The following THAP8 variants were observed in gnomAD, a reference collection of about 807,000 sequenced individuals.
THAP8 encodes THAP domain containing 8.
Under a neutral mutation model 25.0 loss-of-function variants are expected in THAP8, and 24 were observed. That is an observed-to-expected ratio of 0.96 (90% CI 0.69 to 1.35). THAP8 has a LOEUF of 1.35. Among genes scored for constraint, THAP8 ranks in the 40% most tolerant of loss-of-function variants. THAP8 has a pLI of 0.00. For synonymous variants in THAP8, 169 were observed against 157.6 expected (o/e 1.07, Z -0.54); for missense variants, 399 against 368.8 (o/e 1.08, Z -0.67).
chr19:36,044,787 C>A (rs749964578), intron 1 of THAP8, among the ~76,000 whole-genome samples: 15 of 152,144 alleles, frequency 9.9e-5, no homozygotes, highest in Non-Finnish European at 1.8e-4. Flanking sequence ...GCACCACACC[C>A]CACCCCTGCT....
At position 36,035,570 on chromosome 19, in the gene THAP8, G is replaced by T; in HGVS notation, c.695C>A (p.Pro232His). Residue 232 changes from proline to histidine, a missense_variant, in exon 4 of 4, where the codon CCT becomes CAT. Transcript: ENST00000292894. ...GATGGTGAAGGTTTGGGATTCCTCA[G>T]GTCCAAGGGTCTGGGCTGTTGTCTA... ...QRLTTAQTLG[P>H]EESQTFTIIC... 1 of 1,614,104 alleles carries T rather than the reference G, an allele frequency of 6.2e-7. No individual in the cohort carries two copies. The highest frequency in any genetic ancestry group is 8.5e-7 in the Non-Finnish European group (1 of 1,180,002).
rs754112289 is a variant in THAP8 at position 36,040,043 on chromosome 19, G to A, written c.177C>T (p.Ser59=). ...WVPSCHQHLC[S]EHFTPSCFQW... Reference sequence around the variant, plus strand: ...GGAAGCAGGAGGGTGTGAAGTGCTCGCTGCACAAGTGCTGGTGGCAGCTGG... The same window carrying A: ...GGAAGCAGGAGGGTGTGAAGTGCTCACTGCACAAGTGCTGGTGGCAGCTGG... Residue 59 remains serine (S), a synonymous_variant, in exon 2 of 4, where the codon AGC becomes AGT. Coordinates refer to ENST00000292894, the MANE Select transcript of THAP8 (RefSeq NM_152658.3). The A allele has an allele frequency of 9.3e-6, 15 of 1,613,624 alleles. No individual in the cohort carries two copies. Among genetic ancestry groups the A allele is most frequent in the Admixed American group, 1.7e-5 (1 of 59,994 alleles).
intron 3 of THAP8, among the ~76,000 whole-genome samples, chr19:36,037,343 T>TACACACACACACACACACACACAC (rs58349186): frequency 1.7e-5 from 2 of 114,760 alleles, no homozygotes; most frequent in African/African-American, 6.6e-5. Flanking sequence ...ATTCCTCCCC[T>TACACACACACACACACACACACAC]ACACACACAC....
At chr19:36,038,634 G>A (rs909944823) in intron 3 of THAP8, among the ~76,000 whole-genome samples, 3 of 152,164 alleles carry the variant, frequency 2.0e-5, no homozygotes, top group African/African-American at 4.8e-5. Flanking sequence ...GGTGGATCAC[G>A]AGGTGAGGAG....
At chr19:36,037,299 T>TACACAC (rs376932776) in intron 3 of THAP8, among the ~76,000 whole-genome samples, 8 of 67,766 alleles carry the variant, frequency 1.2e-4, no homozygotes, top group East Asian at 5.6e-4. Context: ...CTTCCTCCCC[T>TACACAC]ACACACACAC....
chr19:36,035,720 G>T, intron 3 of THAP8, 128 bp from the exon 4 acceptor site: 1 of 1,072,740 alleles, frequency 9.3e-7, no homozygotes, highest in African/African-American at 1.6e-5. Context: ...AGAGAGATGT[G>T]GGGAGAGATA....
intron 3 of THAP8, among the ~76,000 whole-genome samples, chr19:36,036,243 G>GATAT (rs1339870996): frequency 6.8e-6 from 1 of 147,362 alleles, no homozygotes; most frequent in Non-Finnish European, 1.5e-5. Context: ...AGTGCTGCTA[G>GATAT]ATATGCAGAG....
At chr19:36,039,754 G>A in intron 2 of THAP8, 36 bp from the exon 3 acceptor site, 1 of 1,487,392 alleles carries the variant, frequency 6.7e-7, no homozygotes, top group Non-Finnish European at 8.9e-7. Context: ...GGGTGCCGTG[G>A]TCAGACTTCG....
At chr19:36,051,789 A>C (rs1970061729) in intron 1 of THAP8, among the ~76,000 whole-genome samples, 1 of 152,168 alleles carries the variant, frequency 6.6e-6, no homozygotes. Context: ...CTCCCAGGCT[A>C]CAGACGGGTA....
At chr19:36,040,357 G>A (rs905915505) in intron 1 of THAP8, among the ~76,000 whole-genome samples, 9 of 152,068 alleles carry the variant, frequency 5.9e-5, no homozygotes, top group East Asian at 3.9e-4. Context: ...ACGGGGTTTC[G>A]CACTTGTCAC....
In THAP8 at chr19:36,040,152, G is replaced by A. The variant is rs541727777; in HGVS notation, c.84-16C>T. The A allele has an allele frequency of 1.4e-5, 22 of 1,594,420 alleles. No homozygotes were observed. In the East Asian group the frequency reaches 2.9e-4, roughly 21 times the overall value. On this transcript the variant is annotated splice_polypyrimidine_tract_variant and intron_variant, in intron 1 of 3. Coordinates refer to ENST00000292894, the MANE Select transcript of THAP8 (RefSeq NM_152658.3). ...CAGTGGGAACCTGCATGGGTGGTTG[G>A]GGGGCTGGGTCAGTGCTACGAGGTT...
chr19:36,046,598 G>C (rs886389754), intron 1 of THAP8, among the ~76,000 whole-genome samples: 1 of 152,142 alleles, frequency 6.6e-6, no homozygotes, highest in South Asian at 2.1e-4. Context: ...CACACAGCCA[G>C]GGAGTCTGGC....
chr19:36,035,996 T>G (rs1969427616), intron 3 of THAP8, among the ~76,000 whole-genome samples: 2 of 149,308 alleles, frequency 1.3e-5, no homozygotes, highest in African/African-American at 2.5e-5. Flanking sequence ...AGGGAGGAGA[T>G]TGGGAGGTAG....
At chr19:36,037,380 A>ACACACACACC (rs1024146227) in intron 3 of THAP8, among the ~76,000 whole-genome samples, 19 of 145,560 alleles carry the variant, frequency 1.3e-4, no homozygotes, top group African/African-American at 2.3e-4. Flanking sequence ...ACACACACAC[A>ACACACACACC]CCCAGCAGTA....
In THAP8 at chr19:36,045,632, C is replaced by T. The variant is rs1233882573; in HGVS notation, c.84-5496G>A. ...AAGGATCTTGAGATGGGGAGATTAT[C>T]CTGGGTCATCCGGGTTGGCCCTAAA... On this transcript the variant is annotated intron_variant, in intron 1 of 3. Coordinates refer to ENST00000292894, the MANE Select transcript of THAP8 (RefSeq NM_152658.3). 1.6e-5 allele frequency: 7 copies of T among 430,006 alleles called. No homozygotes were observed. In the East Asian group the frequency reaches 4.9e-4, roughly 30 times the overall value. 26.6% of individuals were successfully genotyped at this position (430,006 alleles called of 1,614,324 possible).
chr19:36,052,885 G>A (rs2145464216), intron 1 of THAP8, among the ~76,000 whole-genome samples: 1 of 152,246 alleles, frequency 6.6e-6, no homozygotes, highest in South Asian at 2.1e-4. Context: ...ACACTCAAAG[G>A]ATGGGAATTC....
intron 1 of THAP8, among the ~76,000 whole-genome samples, chr19:36,043,105 TTTAG>T (rs1969756226): frequency 1.3e-5 from 2 of 152,150 alleles, no homozygotes; most frequent in Non-Finnish European, 2.9e-5. Context: ...TTTTTGTATT[TTTAG>T]TAGAGATGGG....
intron 1 of THAP8, among the ~76,000 whole-genome samples, chr19:36,046,696 T>C (rs138658917): frequency 4.6e-5 from 7 of 152,278 alleles, no homozygotes; most frequent in African/African-American, 1.4e-4. Context: ...TGCAACAGCA[T>C]TCCCCATTCT....
At chr19:36,054,691 G>A, upstream of THAP8, 1 of 587,524 alleles carries the variant, frequency 1.7e-6, no homozygotes, top group South Asian at 2.0e-5. Flanking sequence ...GTATGTTTCA[G>A]CGAATAATGA....
Sources: allele counts gnomAD v4.1 joint callset (sites outside exome capture counted in the v4.1 genomes callset), GRCh38; gene constraint gnomAD v4.1.1; transcripts MANE v1.5; gene names NCBI Gene and HGNC (gene_info 2026-07-23, HGNC 2026-07-21).